The following SPOCK3 variants were observed in gnomAD, a reference collection of about 807,000 sequenced individuals.
The protein encoded by SPOCK3 is testican-3.
A neutral mutation model predicts 56.6 loss-of-function variants in SPOCK3; 30 were observed. That is an observed-to-expected ratio of 0.53 (90% CI 0.40 to 0.72). The LOEUF (loss-of-function observed/expected upper bound fraction) is 0.72. SPOCK3 is among the 30% of genes least tolerant of loss of function. The pLI is 0.00. For missense variants in SPOCK3, 527 were observed against 530.0 expected, an observed-to-expected ratio of 0.99 and a Z score of 0.06; for synonymous variants, 196 against 183.3, an observed-to-expected ratio of 1.07 and a Z score of -0.56.
chr4:166,944,338 TAAC>T (rs1674425817), intron 4 of SPOCK3, among the ~76,000 whole-genome samples: 2 of 152,076 alleles, frequency 1.3e-5, no homozygotes, highest in Non-Finnish European at 2.9e-5. Flanking sequence ...ATCTCCTCCA[TAAC>T]AACAATGCAA....
At chr4:166,977,542 A>G (rs1386348421) in intron 4 of SPOCK3, among the ~76,000 whole-genome samples, 3 of 151,946 alleles carry the variant, frequency 2.0e-5, no homozygotes, top group Admixed American at 2.0e-4. Flanking sequence ...TTTGAATTGC[A>G]GAAATTCCAG....
chr4:167,060,154 TAATAA>T (rs915978902), intron 3 of SPOCK3, among the ~76,000 whole-genome samples: 5 of 150,566 alleles, frequency 3.3e-5, no homozygotes, highest in African/African-American at 1.2e-4. Flanking sequence ...AGTATAATAA[TAATAA>T]AATAAAAAAA....
chr4:166,769,460 C>T (rs371921087), intron 7 of SPOCK3, among the ~76,000 whole-genome samples: 17 of 152,134 alleles, frequency 1.1e-4, no homozygotes, highest in Non-Finnish European at 2.2e-4. Context: ...CACTCCAGAC[C>T]CTGTTTGCCT....
chr4:167,174,745 G>A (rs991711930), intron 2 of SPOCK3, among the ~76,000 whole-genome samples: 43 of 152,144 alleles, frequency 2.8e-4, no homozygotes, highest in African/African-American at 9.7e-4. Flanking sequence ...TGGGACCTTG[G>A]GGGCTCCATA....
intron 6 of SPOCK3, among the ~76,000 whole-genome samples, chr4:166,817,583 C>G (rs1744500949): frequency 6.6e-6 from 1 of 151,990 alleles, no homozygotes; most frequent in Non-Finnish European, 1.5e-5. Flanking sequence ...AACACAATAT[C>G]CACTGCTGCG....
intron 2 of SPOCK3, among the ~76,000 whole-genome samples, chr4:167,173,447 T>C (rs1730682349): frequency 6.6e-6 from 1 of 152,152 alleles, no homozygotes. Flanking sequence ...AAAGAAGTGT[T>C]AGTCTTTTTC....
intron 2 of SPOCK3, among the ~76,000 whole-genome samples, chr4:167,144,959 A>G (rs762641300): frequency 7.9e-5 from 12 of 151,952 alleles, no homozygotes; most frequent in Non-Finnish European, 1.5e-4. Context: ...AGTGTTGATA[A>G]AAGCTCATTT....
chr4:167,200,328 A>T (rs1456891539), intron 2 of SPOCK3, among the ~76,000 whole-genome samples: 1 of 152,056 alleles, frequency 6.6e-6, no homozygotes, highest in Admixed American at 6.6e-5. Flanking sequence ...AATCTAGTCT[A>T]TTTCACTGAC....
chr4:166,747,938 G>C (rs979511070), intron 8 of SPOCK3, among the ~76,000 whole-genome samples: 5 of 151,824 alleles, frequency 3.3e-5, no homozygotes, highest in African/African-American at 1.2e-4. Context: ...GAAATGTGAA[G>C]GACCTCTTCA....
At position 166,909,448 on chromosome 4, in the gene SPOCK3, T is replaced by C. The variant is rs533980572; in HGVS notation, c.474+3172A>G. 3.7e-4 allele frequency among the ~76,000 whole-genome samples: 56 copies of C among 152,152 alleles called. 1 individual carries two copies. The highest frequency in any genetic ancestry group is 6.9e-4 in the Non-Finnish European group (47 of 67,964). On this transcript the variant is annotated intron_variant, in intron 5 of 10. Coordinates refer to ENST00000357545, the MANE Select transcript of SPOCK3 (RefSeq NM_001040159.2). ...AAAATATCATTTATAATCTCCTCTCTATAAAATAAGCTGAAAGTAATGAAC... is the reference window on the plus strand; with the variant it reads ...AAAATATCATTTATAATCTCCTCTCCATAAAATAAGCTGAAAGTAATGAAC...
intron 4 of SPOCK3, among the ~76,000 whole-genome samples, chr4:166,976,650 C>A (rs1229738922): frequency 1.3e-5 from 2 of 152,134 alleles, no homozygotes; most frequent in Non-Finnish European, 2.9e-5. Context: ...TACCAATACT[C>A]TCTGTCCTCC....
At chr4:166,766,042 C>G (rs1579156279) in intron 7 of SPOCK3, among the ~76,000 whole-genome samples, 1 of 151,978 alleles carries the variant, frequency 6.6e-6, no homozygotes, top group African/African-American at 2.4e-5. Context: ...GATTTTGTAT[C>G]CTGAGACTTT....
chr4:166,773,430 G>T (rs1409026061), intron 7 of SPOCK3, among the ~76,000 whole-genome samples: 2 of 151,728 alleles, frequency 1.3e-5, no homozygotes, highest in Admixed American at 6.6e-5. Flanking sequence ...AAAAGTAACT[G>T]TTTCTTTTAA....
chr4:166,970,103 T>C (rs1398180950), intron 4 of SPOCK3, among the ~76,000 whole-genome samples: 1 of 152,232 alleles, frequency 6.6e-6, no homozygotes, highest in African/African-American at 2.4e-5. Context: ...AATGCAATTA[T>C]GAATAACTTT....
At chr4:167,200,518 T>A (rs945977966) in intron 2 of SPOCK3, among the ~76,000 whole-genome samples, 1 of 151,978 alleles carries the variant, frequency 6.6e-6, no homozygotes, top group African/African-American at 2.4e-5. Flanking sequence ...AAACAATTTT[T>A]TCGTACATTT....
At chr4:167,169,953 CTT>C (rs1730351595) in intron 2 of SPOCK3, among the ~76,000 whole-genome samples, 1 of 152,086 alleles carries the variant, frequency 6.6e-6, no homozygotes, top group African/African-American at 2.4e-5. Flanking sequence ...TAAGATGTGA[CTT>C]TGCTTTTCAT....
chr4:167,156,643 T>C (rs1764840321), intron 2 of SPOCK3, among the ~76,000 whole-genome samples: 1 of 152,148 alleles, frequency 6.6e-6, no homozygotes, highest in Non-Finnish European at 1.5e-5. Context: ...AGCAAAGAAT[T>C]AGAAAAAGAA....
chr4:166,847,239 C>A (rs1748149163), intron 6 of SPOCK3, among the ~76,000 whole-genome samples: 2 of 151,922 alleles, frequency 1.3e-5, no homozygotes, highest in Admixed American at 6.6e-5. Flanking sequence ...AGTTGGCAGG[C>A]CATTTGGGAG....
At chr4:167,034,202 T>C (rs1176254164) in intron 3 of SPOCK3, among the ~76,000 whole-genome samples, 1 of 151,960 alleles carries the variant, frequency 6.6e-6, no homozygotes, top group Non-Finnish European at 1.5e-5. Context: ...TGAAAAAATA[T>C]TTTAATATAC....
Sources: gnomAD v4.1 joint callset for allele counts (sites outside exome capture counted in the v4.1 genomes callset) on GRCh38, gnomAD v4.1.1 for gene constraint, MANE v1.5 for transcripts, NCBI Gene and HGNC (gene_info 2026-07-23, HGNC 2026-07-21) for gene names.